Variants in IDH2 observed in about 807,000 individuals in gnomAD.
IDH2 encodes isocitrate dehydrogenase (NADP(+)) 2, also known as isocitrate dehydrogenase [NADP], mitochondrial.
In IDH2, 18 loss-of-function variants were observed where a neutral mutation model predicts 50.5. That is an observed-to-expected ratio of 0.36 (90% CI 0.25 to 0.53). IDH2 has a LOEUF of 0.53. IDH2 is among the 20% of genes least tolerant of loss of function. The probability of loss-of-function intolerance (pLI) is 0.92; values close to 1 mark genes in which losing one functional copy is unlikely to be tolerated. For missense variants in IDH2, 518 were observed against 610.7 expected, an observed-to-expected ratio of 0.85 and a Z score of 1.60; for synonymous variants, 280 against 239.8, an observed-to-expected ratio of 1.17 and a Z score of -1.55.
At chr15:90,086,883 T>C (rs1375991666) in intron 7 of IDH2, among the ~76,000 whole-genome samples, 1 of 152,130 alleles carries the variant, frequency 6.6e-6, no homozygotes, top group African/African-American at 2.4e-5. Context: ...CTGGAATTCC[T>C]GTGCCCTCCT....
intron 1 of IDH2, among the ~76,000 whole-genome samples, chr15:90,095,517 G>A (rs1252954427): frequency 6.6e-6 from 1 of 151,216 alleles, no homozygotes; most frequent in Non-Finnish European, 1.5e-5. Flanking sequence ...GCCCTAAGGA[G>A]AGACTCACTT....
In IDH2 at chr15:90,092,372, T is replaced by C. The variant is rs559110219; in HGVS notation, c.116-728A>G. Among the ~76,000 whole-genome samples, 51 of 147,422 alleles carry C rather than the reference T, an allele frequency of 3.5e-4. 1 individual carries two copies. Among genetic ancestry groups the C allele is most frequent in the African/African-American group, 1.1e-3 (44 of 39,484 alleles). Reference sequence around the variant, plus strand: ...TTTCCTTTCTTTCCTTCCTTTCCTTTCTTTCCTTCCTTCCTTCCTTTCGTT... The same window carrying C: ...TTTCCTTTCTTTCCTTCCTTTCCTTCCTTTCCTTCCTTCCTTCCTTTCGTT... On this transcript the variant is annotated intron_variant, in intron 1 of 10. Coordinates refer to ENST00000330062, the MANE Select transcript of IDH2 (RefSeq NM_002168.4).
intron 1 of IDH2, among the ~76,000 whole-genome samples, chr15:90,092,957 T>C (rs1459573269): frequency 6.6e-6 from 1 of 152,164 alleles, no homozygotes; most frequent in Non-Finnish European, 1.5e-5. Flanking sequence ...ACCCCCACTT[T>C]AATCTGGCTA....
rs1272169170 is a variant in IDH2 at position 90,098,535 on chromosome 15, T to TATGTATGTATGCATGC, written c.115+3740_115+3741insGCATGCATACATACAT. Among the ~76,000 whole-genome samples, 475 of 142,458 alleles carry TATGTATGTATGCATGC rather than the reference T, an allele frequency of 3.3e-3. No individual in the cohort carries two copies. Among genetic ancestry groups the TATGTATGTATGCATGC allele is most frequent in the Middle Eastern group, 7.4e-3 (2 of 270 alleles). The allele number at this position is 142,458 out of a possible 152,430, so 93.5% of individuals were successfully genotyped here. Reference sequence around the variant, plus strand: ...GTATGTATGTATGTATGCATGCATGTATGTATGTATGTATGTATGTATGTA... The same window carrying TATGTATGTATGCATGC: ...GTATGTATGTATGTATGCATGCATGTATGTATGTATGCATGCATGTATGTATGTATGTATGTATGTA... On this transcript the variant is annotated intron_variant, in intron 1 of 10. Coordinates refer to ENST00000330062, the MANE Select transcript of IDH2 (RefSeq NM_002168.4). The surrounding 1 kb of genome is among the most constrained non-coding windows in gnomAD (Gnocchi z 5.1).
At position 90,085,312 on chromosome 15, in the gene IDH2, T is replaced by C; in HGVS notation, c.1043A>G (p.His348Arg). 1 of 1,551,744 alleles carries C rather than the reference T, an allele frequency of 6.4e-7. No homozygotes were observed. The highest frequency in any genetic ancestry group is 8.7e-7 in the Non-Finnish European group (1 of 1,147,304). Residue 348 changes from histidine to arginine, a missense_variant, in exon 8 of 11, where the codon CAT becomes CGT. Coordinates refer to ENST00000330062, the MANE Select transcript of IDH2 (RefSeq NM_002168.4). The surrounding 1 kb of genome is among the most constrained non-coding windows in gnomAD (Gnocchi z 5.5). The stretch of plus-strand genomic sequence containing the variant: ...CCGATAGTGGCGGGTGACGGTCCCA[T>C]GAGCGGCCTCAGCCTCAATCGTCTT... Reference protein sequence around the residue: ...DGKTIEAEAAHGTVTRHYREH... With the variant: ...DGKTIEAEAARGTVTRHYREH...
chr15:90,093,598 TTTAA>T (rs67827708), intron 1 of IDH2, among the ~76,000 whole-genome samples: 6 of 150,216 alleles, frequency 4.0e-5, no homozygotes, highest in South Asian at 4.2e-4. Flanking sequence ...CTCCATTTTA[TTTAA>T]TTAATTAATT....
Position 90,087,446 on chromosome 15 carries a change from A to AG in IDH2, c.807dup (p.Phe270LeufsTer2), listed in dbSNP as rs1329635808. The AG allele has an allele frequency of 6.2e-7, 1 of 1,614,202 alleles. No individual in the cohort carries two copies. Among genetic ancestry groups the AG allele is most frequent in the East Asian group, 2.2e-5 (1 of 44,888 alleles). The stretch of plus-strand genomic sequence containing the variant: ...ACATGGATGAGGCTTTACTTGTCAA[A>AG]GATCTCCTGGAAGATGTCCTTGAAA... On this transcript the variant is annotated frameshift_variant, in exon 6 of 11. Transcript: ENST00000330062. LOFTEE classifies it high-confidence loss of function.
chr15:90,087,826 AAAC>A (rs1328272933), intron 5 of IDH2, among the ~76,000 whole-genome samples: 4 of 49,668 alleles, frequency 8.1e-5, no homozygotes, highest in African/African-American at 3.2e-4. Context: ...TTTTTTTTGG[AAAC>A]AACTTTTTTT....
At chr15:90,089,807 C>G (rs1900984030) in intron 3 of IDH2, among the ~76,000 whole-genome samples, 1 of 152,224 alleles carries the variant, frequency 6.6e-6, no homozygotes, top group African/African-American at 2.4e-5. Flanking sequence ...GAGAGCGGCC[C>G]CAACAGCCAA....
chr15:90,099,223 T>C (rs1212740572), intron 1 of IDH2, among the ~76,000 whole-genome samples: 1 of 152,118 alleles, frequency 6.6e-6, no homozygotes, highest in Non-Finnish European at 1.5e-5. Flanking sequence ...CTGTGAGCCC[T>C]CTACAGACCC....
rs775400107 is a variant in IDH2 at position 90,084,201 on chromosome 15, G to A, written c.*65C>T. On this transcript the variant is annotated 3_prime_UTR_variant, in exon 11 of 11. Transcript: ENST00000330062. The surrounding 1 kb of genome is among the most constrained non-coding windows in gnomAD (Gnocchi z 5.0). ...GGGGCTGTGAGGCTCACCCTCTGCC[G>A]CGCTCAGGAGGACCCGCCGGCTCAG... 2.8e-5 allele frequency: 38 copies of A among 1,350,080 alleles called. No homozygotes were observed. The highest frequency in any genetic ancestry group is 7.1e-5 in the Admixed American group (4 of 56,356). The allele number at this position is 1,350,080 out of a possible 1,614,324, so 83.6% of individuals were successfully genotyped here.
At chr15:90,087,372 A>G in intron 6 of IDH2, 67 bp downstream of exon 6, 1 of 1,613,086 alleles carries the variant, frequency 6.2e-7, no homozygotes, top group South Asian at 1.1e-5. Context: ...CGACCTTCCC[A>G]GGGTAGGATG....
At chr15:90,089,802 C>T (rs1480431356) in intron 3 of IDH2, among the ~76,000 whole-genome samples, 1 of 152,186 alleles carries the variant, frequency 6.6e-6, no homozygotes, top group Admixed American at 6.5e-5. Context: ...CCCTCGAGAG[C>T]GGCCCCAACA....
chr15:90,100,624 G>A lies in IDH2; in HGVS notation c.115+1652C>T. On this transcript the variant is annotated intron_variant, in intron 1 of 10. Coordinates refer to ENST00000330062, the MANE Select transcript of IDH2 (RefSeq NM_002168.4). This position sits in a 1 kb window ranked among gnomAD's most constrained non-coding sequence, Gnocchi z 4.1. ...GGAAGCCTATGGCGTTGCAAAATAG[G>A]AAAAGATGCGTGCAGGAATTACCAG... 1.0e-6 allele frequency: 1 copy of A among 985,424 alleles called. No homozygotes were observed. The highest frequency in any genetic ancestry group is 1.2e-6 in the Non-Finnish European group (1 of 829,936). 61.0% of individuals were successfully genotyped at this position (985,424 alleles called of 1,614,324 possible).
Position 90,084,840 on chromosome 15 carries a change from G to C in IDH2, c.1247C>G (p.Ala416Gly). The C allele has an allele frequency of 6.2e-7, 1 of 1,613,856 alleles. No homozygotes were observed. Among genetic ancestry groups the C allele is most frequent in the Non-Finnish European group, 8.5e-7 (1 of 1,179,942 alleles). The change falls in exon 10 of 11, where the codon GCG (alanine) becomes GGG (glycine). Residue 416 changes from alanine (A) to glycine (G), a missense_variant. Coordinates refer to ENST00000330062, the MANE Select transcript of IDH2 (RefSeq NM_002168.4). This position sits in a 1 kb window ranked among gnomAD's most constrained non-coding sequence, Gnocchi z 5.0. ...CTTGCTGAGGCCGTGAATGCAGCCC[G>C]CCAGGTCCTTGGTCATGGCTCCACT... Reference protein sequence around the residue: ...VESGAMTKDLAGCIHGLSNVK... With the variant: ...VESGAMTKDLGGCIHGLSNVK...
In IDH2 at chr15:90,094,133, A is replaced by T. The variant is rs145249205; in HGVS notation, c.116-2489T>A. Among the ~76,000 whole-genome samples the T allele has an allele frequency of 3.1e-4, 47 of 152,310 alleles. No individual in the cohort carries two copies. In the East Asian group the frequency reaches 6.7e-3, roughly 22 times the overall value. The stretch of plus-strand genomic sequence containing the variant: ...TACCAGAGAAGCATCAAAGGACTCA[A>T]TGAGGGGCTGATCAGAGGTCCAGGG... On this transcript the variant is annotated intron_variant, in intron 1 of 10. Coordinates refer to ENST00000330062, the MANE Select transcript of IDH2 (RefSeq NM_002168.4).
rs751742459 is a variant in IDH2, at chr15:90,088,612, A to G, written c.509T>C (p.Ile170Thr). The G allele has an allele frequency of 2.5e-6, 4 of 1,614,210 alleles. No homozygotes were observed. The highest frequency in any genetic ancestry group is 1.7e-5 in the Admixed American group (1 of 60,030). Residue 170 changes from isoleucine to threonine, a missense_variant, in exon 4 of 11, where the codon ATT becomes ACT. Ile to Thr is a moderately conservative substitution (Grantham distance 89). Transcript: ENST00000330062. ...CTGGTCGCCATGGGCGTGCCTGCCA[A>G]TGGTGATGGGCTTGGTCCAGCCAGG... ...LVPGWTKPITIGRHAHGDQYK... is the reference protein window; with the variant it reads ...LVPGWTKPITTGRHAHGDQYK...
rs1016945295 is a variant in IDH2 at position 90,091,780 on chromosome 15, C to T, written c.116-136G>A. 1.1e-4 allele frequency: 84 copies of T among 757,884 alleles called. No individual in the cohort carries two copies. The African/African-American group carries it at 1.3e-3, about 12-fold the overall frequency. 46.9% of individuals were successfully genotyped at this position (757,884 alleles called of 1,614,324 possible). On this transcript the variant is annotated intron_variant, in intron 1 of 10. Transcript: ENST00000330062. Reference sequence around the variant, plus strand: ...TCCAGCTGCCCGGTGTCCACTCCCCCGTCTGCAAATCAGCTCCCTCACTGC... The same window carrying T: ...TCCAGCTGCCCGGTGTCCACTCCCCTGTCTGCAAATCAGCTCCCTCACTGC...
At chr15:90,102,087 C>T (rs995200099) in intron 1 of IDH2, among the ~76,000 whole-genome samples, 189 bp downstream of exon 1, 1 of 151,950 alleles carries the variant, frequency 6.6e-6, no homozygotes, top group African/African-American at 2.4e-5. Flanking sequence ...CCCACCCCAG[C>T]GCCTGGCACG....
Sources: gnomAD v4.1 joint callset for allele counts (sites outside exome capture counted in the v4.1 genomes callset) on GRCh38, gnomAD v4.1.1 for gene constraint, Gnocchi (gnomAD v3.1) non-coding constraint, MANE v1.5 for transcripts, NCBI Gene and HGNC (gene_info 2026-07-23, HGNC 2026-07-21) for gene names.